UPP2: variants seen among roughly 807,000 people sequenced by gnomAD.
UPP2 encodes UPase 2.
In UPP2, 23 loss-of-function variants were observed where a neutral mutation model predicts 26.7. That is an observed-to-expected ratio of 0.86 (90% CI 0.62 to 1.22). The LOEUF (loss-of-function observed/expected upper bound fraction) is 1.22, where lower values mean the gene tolerates loss of function less well. Ranked by LOEUF, UPP2 falls within the 50% of genes most tolerant of loss-of-function variation. UPP2 has a pLI of 0.00. For missense variants in UPP2, 387 were observed against 396.7 expected (o/e 0.98, Z 0.21); for synonymous variants, 127 against 141.3 (o/e 0.90, Z 0.72).
rs988497589 is a variant in UPP2, at chr2:158,054,388, T to TG, written c.147+38502_147+38503insG. 3.9e-5 allele frequency among the ~76,000 whole-genome samples: 5 copies of TG among 129,724 alleles called. 1 individual carries two copies. The highest frequency in any genetic ancestry group is 4.3e-4 in the South Asian group (2 of 4,682). The allele number at this position is 129,724 out of a possible 152,430, so 85.1% of individuals were successfully genotyped here. The stretch of plus-strand genomic sequence containing the variant: ...TTGCTTTGTTGGTTATTTTGAGGTT[T>TG]TTTTTTTTTTTTAAATCCTTGCAAT... On this transcript the variant is annotated intron_variant, in intron 3 of 9. Coordinates refer to the UPP2 transcript ENST00000605860.
chr2:158,074,302 T>C (rs1682591140), intron 3 of UPP2, among the ~76,000 whole-genome samples: 1 of 152,294 alleles, frequency 6.6e-6, no homozygotes, highest in South Asian at 2.1e-4. Context: ...TGTGATGTGT[T>C]TACTATTCTT....
intron 1 of UPP2, among the ~76,000 whole-genome samples, chr2:158,104,107 A>C (rs1269322477): frequency 6.6e-6 from 1 of 152,222 alleles, no homozygotes; most frequent in Non-Finnish European, 1.5e-5. Context: ...GGGATTCAAG[A>C]AGGATATTTG....
chr2:157,998,558 T>C (rs1290780223), intron 2 of UPP2, among the ~76,000 whole-genome samples: 1 of 152,196 alleles, frequency 6.6e-6, no homozygotes, highest in African/African-American at 2.4e-5. Flanking sequence ...TCCCAGCATT[T>C]TGAGAGGCCC....
At chr2:158,022,666 T>A (rs1187118694) in intron 3 of UPP2, among the ~76,000 whole-genome samples, 1 of 152,156 alleles carries the variant, frequency 6.6e-6, no homozygotes, top group Non-Finnish European at 1.5e-5. Context: ...CATTCCCATC[T>A]TCTCCCCAAA....
At chr2:158,003,874 T>C (rs1683447256) in intron 2 of UPP2, among the ~76,000 whole-genome samples, 1 of 152,216 alleles carries the variant, frequency 6.6e-6, no homozygotes, top group Non-Finnish European at 1.5e-5. Flanking sequence ...ATGTGTATTT[T>C]GCATGTTGCA....
chr2:158,073,787 C>T (rs1157346286), intron 3 of UPP2, among the ~76,000 whole-genome samples: 1 of 152,172 alleles, frequency 6.6e-6, no homozygotes, highest in Non-Finnish European at 1.5e-5. Context: ...AGACAAACAA[C>T]AGCTGAGGGA....
intron 3 of UPP2, among the ~76,000 whole-genome samples, chr2:158,065,084 C>A (rs1682413575): frequency 6.6e-6 from 1 of 152,270 alleles, no homozygotes; most frequent in Non-Finnish European, 1.5e-5. Flanking sequence ...AGTAGGCCAC[C>A]ATTTTCAATG....
intron 2 of UPP2, among the ~76,000 whole-genome samples, chr2:158,006,956 A>G (rs1168125505): frequency 6.6e-6 from 1 of 152,148 alleles, no homozygotes; most frequent in East Asian, 1.9e-4. Context: ...CCTTGGTTCA[A>G]TGCAAAGCCT....
intron 4 of UPP2, among the ~76,000 whole-genome samples, chr2:158,118,710 C>G (rs962282683): frequency 7.9e-5 from 12 of 151,988 alleles, no homozygotes; most frequent in African/African-American, 2.9e-4. Context: ...GGCGATAGAA[C>G]TGAATGGGCA....
chr2:158,080,438 A>G (rs1682704719), intron 3 of UPP2, among the ~76,000 whole-genome samples: 1 of 152,144 alleles, frequency 6.6e-6, no homozygotes, highest in African/African-American at 2.4e-5. Context: ...AACAGCATCT[A>G]TATCCTGTGA....
intron 2 of UPP2, among the ~76,000 whole-genome samples, chr2:158,011,011 C>G (rs558930735): frequency 3.4e-4 from 51 of 152,082 alleles, no homozygotes; most frequent in Non-Finnish European, 5.4e-4. Flanking sequence ...ATGATCCACC[C>G]ACCTCGACCT....
chr2:158,019,378 C>T (rs547596740), intron 3 of UPP2, among the ~76,000 whole-genome samples: 13 of 151,954 alleles, frequency 8.6e-5, no homozygotes, highest in African/African-American at 2.9e-4. Flanking sequence ...GAGGACGGAG[C>T]GGGGAGTAGT....
chr2:158,129,168 T>C (rs1324828039), intron 6 of UPP2, among the ~76,000 whole-genome samples: 1 of 152,018 alleles, frequency 6.6e-6, no homozygotes, highest in Non-Finnish European at 1.5e-5. Context: ...GATTCCACCC[T>C]GTCTGTGGTT....
chr2:158,009,661 A>G (rs1332909823), intron 2 of UPP2, among the ~76,000 whole-genome samples: 3 of 152,220 alleles, frequency 2.0e-5, no homozygotes, highest in Non-Finnish European at 4.4e-5. Flanking sequence ...GAAGGCTCCC[A>G]GTTTTGAGTT....
At chr2:158,039,223 A>G (rs1009214576) in intron 3 of UPP2, among the ~76,000 whole-genome samples, 2 of 152,160 alleles carry the variant, frequency 1.3e-5, no homozygotes, top group Non-Finnish European at 2.9e-5. Context: ...GGCTCTAACT[A>G]AGCAGCAGAC....
intron 3 of UPP2, among the ~76,000 whole-genome samples, chr2:158,074,509 C>T (rs909858335): frequency 1.3e-5 from 2 of 151,944 alleles, no homozygotes; most frequent in Admixed American, 1.3e-4. Context: ...GTTAAGTTGA[C>T]ATCACTTTAA....
intron 2 of UPP2, among the ~76,000 whole-genome samples, chr2:158,001,075 C>T (rs1683397726): frequency 6.6e-6 from 1 of 152,228 alleles, no homozygotes; most frequent in South Asian, 2.1e-4. Context: ...CCAAGAGTTG[C>T]TTGAATTCCT....
intron 3 of UPP2, among the ~76,000 whole-genome samples, chr2:158,042,238 T>TA (rs1170130931): frequency 6.6e-6 from 1 of 152,180 alleles, no homozygotes; most frequent in Non-Finnish European, 1.5e-5. Context: ...TTTAGGCCTG[T>TA]ACAGTTTTTT....
At chr2:158,099,093 T>C (rs920318973), upstream of UPP2, among the ~76,000 whole-genome samples, 2 of 152,208 alleles carry the variant, frequency 1.3e-5, no homozygotes, top group African/African-American at 4.8e-5. Context: ...TGTTTTAACA[T>C]ACAGAAGGTT....
Sources: gnomAD v4.1 joint callset for allele counts (sites outside exome capture counted in the v4.1 genomes callset) on GRCh38, gnomAD v4.1.1 for gene constraint, MANE v1.5 for transcripts, NCBI Gene and HGNC (gene_info 2026-07-23, HGNC 2026-07-21) for gene names.